TACR1: variants seen among roughly 807,000 people sequenced by gnomAD.
TACR1 encodes substance-P receptor.
A neutral mutation model predicts 35.8 loss-of-function variants in TACR1; 25 were observed. The ratio of observed to expected loss-of-function variants is 0.70; its 90% confidence interval spans 0.51 to 0.98. The LOEUF is 0.98. Ranked by LOEUF, TACR1 falls within the 50% of genes least tolerant of loss-of-function variation. The pLI, the probability that TACR1 is intolerant of heterozygous loss-of-function variation, is 0.00. For missense variants in TACR1, 478 were observed against 522.9 expected (o/e 0.91, Z 0.84); for synonymous variants, 195 against 206.7 (o/e 0.94, Z 0.48).
chr2:75,197,400 C>T (rs1676020962), intron 1 of TACR1, among the ~76,000 whole-genome samples: 1 of 152,158 alleles, frequency 6.6e-6, no homozygotes, highest in Non-Finnish European at 1.5e-5. Context: ...TCTCCTAGCT[C>T]CTTCTTTGGG....
intron 2 of TACR1, among the ~76,000 whole-genome samples, chr2:75,099,961 G>A (rs1189223983): frequency 1.3e-5 from 2 of 152,114 alleles, no homozygotes; most frequent in African/African-American, 4.8e-5. Context: ...TCTTCTTCCA[G>A]CATTTATTCC....
chr2:75,184,646 T>C (rs1675644410), intron 1 of TACR1, among the ~76,000 whole-genome samples: 2 of 151,286 alleles, frequency 1.3e-5, no homozygotes, highest in South Asian at 4.2e-4. Flanking sequence ...AATAATCCAT[T>C]AGAAAAAAAA....
Position 75,048,106 on chromosome 2 carries a change from G to A in TACR1, c.*1326C>T, listed in dbSNP as rs1488823150. 6.6e-6 allele frequency: 1 copy of A among 152,248 alleles called. No homozygotes were observed. Among genetic ancestry groups the A allele is most frequent in the Non-Finnish European group, 1.5e-5 (1 of 68,048 alleles). 9.4% of individuals were successfully genotyped at this position (152,248 alleles called of 1,614,324 possible). On this transcript the variant is annotated 3_prime_UTR_variant, in exon 5 of 5. Transcript: ENST00000305249. ...GGTTGATGAGTCATTCTACCCCTTA[G>A]AGACAGGAAGCTGGCAAAGCCATGG...
intron 1 of TACR1, among the ~76,000 whole-genome samples, chr2:75,160,620 T>A (rs1442229494): frequency 1.3e-5 from 2 of 150,926 alleles, no homozygotes; most frequent in African/African-American, 4.9e-5. Context: ...ACAGGTAAAT[T>A]GCAAAAAAGC....
intron 1 of TACR1, among the ~76,000 whole-genome samples, chr2:75,166,281 C>T (rs986970522): frequency 3.3e-5 from 5 of 152,090 alleles, no homozygotes; most frequent in African/African-American, 1.2e-4. Flanking sequence ...CAGAAACTAG[C>T]GCAAATCTTT....
chr2:75,068,723 C>T (rs1370036023), intron 2 of TACR1, among the ~76,000 whole-genome samples: 1 of 152,154 alleles, frequency 6.6e-6, no homozygotes, highest in Non-Finnish European at 1.5e-5. Context: ...TAGCATAACT[C>T]GGGACACCAC....
intron 1 of TACR1, among the ~76,000 whole-genome samples, chr2:75,180,404 G>A (rs1675534385): frequency 6.6e-6 from 1 of 152,148 alleles, no homozygotes; most frequent in African/African-American, 2.4e-5. Context: ...TTTTCTATGA[G>A]TGTTTGCAGT....
intron 1 of TACR1, chr2:75,187,165 T>C (rs916010992): frequency 1.3e-5 from 2 of 152,234 alleles, no homozygotes; most frequent in African/African-American, 4.8e-5. Context: ...GAGAATATAT[T>C]CCACAGTCCC....
chr2:75,194,732 C>T (rs1051082759), intron 1 of TACR1, among the ~76,000 whole-genome samples: 27 of 152,158 alleles, frequency 1.8e-4, no homozygotes, highest in African/African-American at 6.5e-4. Flanking sequence ...TTTTTGGTCT[C>T]AGAGAGACCA....
At chr2:75,186,644 TA>T (rs35875548) in intron 1 of TACR1, among the ~76,000 whole-genome samples, 5,159 of 144,838 alleles carry the variant, frequency 0.036, 199 homozygotes, top group African/African-American at 0.1. Flanking sequence ...TTATTTTTCT[TA>T]AAAAAAAAAA....
intron 1 of TACR1, among the ~76,000 whole-genome samples, chr2:75,190,234 T>C (rs757773612): frequency 6.6e-6 from 1 of 152,178 alleles, no homozygotes; most frequent in East Asian, 1.9e-4. Context: ...GCTCACTCCA[T>C]ATAAGGGTGG....
chr2:75,153,523 A>C (rs766880129), intron 1 of TACR1, among the ~76,000 whole-genome samples: 16 of 152,216 alleles, frequency 1.1e-4, no homozygotes, highest in Non-Finnish European at 2.4e-4. Context: ...TTTACAAGGG[A>C]AGCAGAGCAT....
chr2:75,174,672 G>A (rs541985015), intron 1 of TACR1, among the ~76,000 whole-genome samples: 1 of 152,318 alleles, frequency 6.6e-6, no homozygotes, highest in East Asian at 1.9e-4. Context: ...CAGAGGAAGA[G>A]GTGTAATGTA....
At chr2:75,191,409 G>T (rs539907771) in intron 1 of TACR1, among the ~76,000 whole-genome samples, 152 of 152,044 alleles carry the variant, frequency 1.0e-3, no homozygotes, top group African/African-American at 3.5e-3. Context: ...GCCAGAGAAG[G>T]GTCCATAAGA....
At chr2:75,064,023 TG>T (rs1233332393) in intron 2 of TACR1, among the ~76,000 whole-genome samples, 1 of 151,092 alleles carries the variant, frequency 6.6e-6, no homozygotes, top group Admixed American at 6.6e-5. Context: ...AGTGTAGTGG[TG>T]AATGTTGTTG....
chr2:75,128,402 C>T (rs2103923920), intron 1 of TACR1, among the ~76,000 whole-genome samples: 1 of 152,262 alleles, frequency 6.6e-6, no homozygotes, highest in South Asian at 2.1e-4. Flanking sequence ...AGAGCCAGGG[C>T]TACCATAAAA....
At chr2:75,107,251 G>T (rs922757588) in intron 2 of TACR1, among the ~76,000 whole-genome samples, 9 of 151,772 alleles carry the variant, frequency 5.9e-5, no homozygotes, top group Non-Finnish European at 1.3e-4. Flanking sequence ...AATATAAAGA[G>T]AATTTAGCAA....
At chr2:75,154,416 A>AGTG (rs1674768298) in intron 1 of TACR1, 1 of 78,876 alleles carries the variant, frequency 1.3e-5, no homozygotes, top group African/African-American at 5.7e-5. Flanking sequence ...GCACGCACAC[A>AGTG]CACACACACA....
intron 1 of TACR1, among the ~76,000 whole-genome samples, chr2:75,124,476 G>C (rs968687334): frequency 5.9e-5 from 9 of 152,100 alleles, no homozygotes; most frequent in Non-Finnish European, 1.3e-4. Flanking sequence ...CACTCCTGGG[G>C]TGTTACAAGT....
Sources: gnomAD v4.1 joint callset for allele counts (sites outside exome capture counted in the v4.1 genomes callset) on GRCh38, gnomAD v4.1.1 for gene constraint, MANE v1.5 for transcripts, NCBI Gene and HGNC (gene_info 2026-07-23, HGNC 2026-07-21) for gene names.